PDLIM5: variants seen among roughly 807,000 people sequenced by gnomAD.
The protein encoded by PDLIM5 is PDZ and LIM domain 5.
PDLIM5 carries 34 observed loss-of-function variants against 64.2 expected under a neutral mutation model. The ratio of observed to expected loss-of-function variants is 0.53; its 90% CI spans 0.40 to 0.71. PDLIM5 has a LOEUF of 0.71. Ranked by LOEUF, PDLIM5 falls within the 30% of genes least tolerant of loss-of-function variation. The pLI is 0.00. For synonymous variants in PDLIM5, 253 were observed against 269.1 expected (o/e 0.94, Z 0.59); for missense variants, 683 against 733.6 (o/e 0.93, Z 0.80).
chr4:94,601,756 A>G (rs562284221), intron 7 of PDLIM5, among the ~76,000 whole-genome samples: 3 of 152,300 alleles, frequency 2.0e-5, no homozygotes, highest in East Asian at 3.9e-4. Context: ...CTCAAGTAAC[A>G]TTTTCAGGCT....
intron 3 of PDLIM5, among the ~76,000 whole-genome samples, chr4:94,554,280 A>G (rs1460253068): frequency 1.3e-5 from 2 of 152,158 alleles, no homozygotes; most frequent in Non-Finnish European, 2.9e-5. Context: ...AAAAACATTT[A>G]TCTTTAAGAA....
At chr4:94,550,873 T>C (rs528470523) in intron 3 of PDLIM5, among the ~76,000 whole-genome samples, 1 of 152,252 alleles carries the variant, frequency 6.6e-6, no homozygotes, top group African/African-American at 2.4e-5. Flanking sequence ...GACTTTTCTT[T>C]GAAATATACT....
chr4:94,471,115 A>G (rs1370238700), intron 2 of PDLIM5, among the ~76,000 whole-genome samples: 1 of 152,184 alleles, frequency 6.6e-6, no homozygotes, highest in African/African-American at 2.4e-5. Context: ...CTCCCATGAC[A>G]TGTGGGAATT....
chr4:94,470,904 A>G (rs542359770), intron 2 of PDLIM5, among the ~76,000 whole-genome samples: 1 of 152,316 alleles, frequency 6.6e-6, no homozygotes, highest in South Asian at 2.1e-4. Flanking sequence ...ACAGTTCCAC[A>G]TGGCTGGGGA....
chr4:94,612,791 T>G lies in PDLIM5; in HGVS notation c.921-5213T>G, dbSNP rs567607119. On this transcript the variant is annotated intron_variant, in intron 7 of 12. Coordinates refer to ENST00000317968, the MANE Select transcript of PDLIM5 (RefSeq NM_006457.5). ...CCAAAAGACCAGATATATTTTATCT[T>G]GTATGACAGTAATCATAAAATGTGT... 5.9e-5 allele frequency among the ~76,000 whole-genome samples: 9 copies of G among 152,194 alleles called. 1 individual carries two copies. The South Asian group carries it at 1.9e-3, about 32-fold the overall frequency.
chr4:94,626,368 T>C (rs1739696497), intron 8 of PDLIM5, among the ~76,000 whole-genome samples: 1 of 152,238 alleles, frequency 6.6e-6, no homozygotes, highest in Non-Finnish European at 1.5e-5. Flanking sequence ...TAAATAGGCA[T>C]TATTTAATGA....
At chr4:94,651,249 T>C (rs954856614) in intron 9 of PDLIM5, among the ~76,000 whole-genome samples, 3 of 152,212 alleles carry the variant, frequency 2.0e-5, no homozygotes, top group African/African-American at 7.2e-5. Flanking sequence ...AAGTATCAAG[T>C]TAGGCCAGTA....
intron 5 of PDLIM5, 133 bp from the exon 6 acceptor site, chr4:94,585,432 T>G: frequency 1.7e-6 from 1 of 597,894 alleles, no homozygotes; most frequent in Non-Finnish European, 2.6e-6. Context: ...CGAATATACT[T>G]GCAAAGCAAA....
chr4:94,622,869 C>G (rs1039931257), intron 8 of PDLIM5, among the ~76,000 whole-genome samples: 8 of 152,222 alleles, frequency 5.3e-5, no homozygotes, highest in Admixed American at 1.3e-4. Context: ...CGGGGTTTCA[C>G]CATGTTGGCC....
rs1037989808 is a variant in PDLIM5 at position 94,625,749 on chromosome 4, G to A, written c.1108+7558G>A. 4.3e-4 allele frequency among the ~76,000 whole-genome samples: 65 copies of A among 152,168 alleles called. 1 individual carries two copies. Among genetic ancestry groups the A allele is most frequent in the Admixed American group, 3.3e-3 (51 of 15,286 alleles). ...ATTACAGACGTGAGCCACTGCGCCC[G>A]GCCAATATTAGACATTCTTAACCTC... On this transcript the variant is annotated intron_variant, in intron 8 of 12. Transcript: ENST00000317968.
intron 3 of PDLIM5, among the ~76,000 whole-genome samples, chr4:94,569,296 A>G (rs898022199): frequency 1.2e-4 from 18 of 151,716 alleles, no homozygotes; most frequent in Admixed American, 6.6e-5. Context: ...GAATGACTTG[A>G]TAAAGTCATT....
chr4:94,575,992 GA>G lies in PDLIM5; in HGVS notation c.669del (p.Gln224ArgfsTer41), dbSNP rs755150646. ...GAGACTTCTCAGGAGCTAGCAGAGGGACAGAGAAGAGGATCCCAGGGTGACA... is the reference window on the plus strand; with the variant it reads ...GAGACTTCTCAGGAGCTAGCAGAGGGCAGAGAAGAGGATCCCAGGGTGACA... Reference protein sequence around the residue: ...CSETSQELAEGQRRGSQGDSK... With the variant: ...CSETSQELAEXQRRGSQGDSK... On this transcript the variant is annotated frameshift_variant, in exon 5 of 13. Transcript: ENST00000317968. LOFTEE classifies it high-confidence loss of function. 6.2e-7 allele frequency: 1 copy of G among 1,614,136 alleles called. No homozygotes were observed. Among genetic ancestry groups the G allele is most frequent in the Non-Finnish European group, 8.5e-7 (1 of 1,180,010 alleles).
intron 7 of PDLIM5, among the ~76,000 whole-genome samples, chr4:94,604,827 G>A (rs1012605343): frequency 3.3e-5 from 5 of 152,156 alleles, no homozygotes; most frequent in African/African-American, 9.7e-5. Flanking sequence ...CTTGAAAATC[G>A]TTAAGATAGT....
At chr4:94,650,505 T>C (rs1024683457) in intron 9 of PDLIM5, among the ~76,000 whole-genome samples, 1 of 152,196 alleles carries the variant, frequency 6.6e-6, no homozygotes, top group African/African-American at 2.4e-5. Flanking sequence ...ATAAAATCTG[T>C]TGTGGTTGGG....
At chr4:94,537,514 A>G (rs1247938354) in intron 3 of PDLIM5, among the ~76,000 whole-genome samples, 5 of 152,186 alleles carry the variant, frequency 3.3e-5, no homozygotes, top group Non-Finnish European at 4.4e-5. Context: ...CTTGATTCCA[A>G]GAACTTTAGA....
chr4:94,546,314 T>G (rs1212316300), intron 3 of PDLIM5, among the ~76,000 whole-genome samples: 1 of 152,116 alleles, frequency 6.6e-6, no homozygotes, highest in East Asian at 1.9e-4. Context: ...CCGCCTACCT[T>G]ACCCCACCCG....
chr4:94,646,313 T>C lies in PDLIM5; in HGVS notation c.1283+5863T>C, dbSNP rs1419381126. ...CTTAATTAAATTTAACTGGTGTCAT[T>C]ATAAGAGGAAATTGAGACACTGACA... is the stretch of plus-strand genomic sequence containing the variant. On this transcript the variant is annotated intron_variant, in intron 9 of 12. Transcript: ENST00000317968. Among the ~76,000 whole-genome samples the C allele has an allele frequency of 2.0e-5, 3 of 152,106 alleles. No individual in the cohort carries two copies. In the East Asian group the frequency reaches 5.8e-4, roughly 29 times the overall value.
chr4:94,661,865 G>C (rs1023360360), intron 11 of PDLIM5, among the ~76,000 whole-genome samples: 5 of 151,044 alleles, frequency 3.3e-5, no homozygotes, highest in Non-Finnish European at 5.9e-5. Context: ...CTTGTCACTA[G>C]GCTGGAGTGC....
intron 3 of PDLIM5, among the ~76,000 whole-genome samples, chr4:94,536,277 C>T (rs1015404186): frequency 3.3e-5 from 5 of 152,132 alleles, no homozygotes; most frequent in Admixed American, 2.6e-4. Flanking sequence ...GAAGGAGTAA[C>T]ATGAGAAGAT....
Sources: gnomAD v4.1 joint callset for allele counts (sites outside exome capture counted in the v4.1 genomes callset) on GRCh38, gnomAD v4.1.1 for gene constraint, MANE v1.5 for transcripts, NCBI Gene and HGNC (gene_info 2026-07-23, HGNC 2026-07-21) for gene names.